CUBN: variants seen among roughly 807,000 people sequenced by gnomAD.
CUBN encodes 460 kDa receptor.
A neutral mutation model predicts 405.3 loss-of-function variants in CUBN; 282 were observed. That is an observed-to-expected ratio of 0.70 (90% CI 0.63 to 0.77). The LOEUF is 0.77. Ranked by LOEUF, CUBN falls within the 30% of genes least tolerant of loss-of-function variation. The pLI is 0.00. For synonymous variants in CUBN, 1,684 were observed against 1,617.0 expected (o/e 1.04, Z -0.99); for missense variants, 4,514 against 4,475.2 (o/e 1.01, Z -0.25).
At chr10:16,983,820 T>TA (rs1196086404) in intron 30 of CUBN, among the ~76,000 whole-genome samples, 1 of 152,216 alleles carries the variant, frequency 6.6e-6, no homozygotes, top group Non-Finnish European at 1.5e-5. Flanking sequence ...GGAGGCTGGT[T>TA]AAGAGGTACG....
intron 14 of CUBN, among the ~76,000 whole-genome samples, chr10:17,098,422 C>A (rs1008336838): frequency 1.3e-5 from 2 of 152,294 alleles, no homozygotes; most frequent in Admixed American, 6.5e-5. Context: ...TAGGAAAGAA[C>A]ACTCTTCATC....
intron 35 of CUBN, 29 bp downstream of exon 35, chr10:16,948,449 C>T (rs370685376): frequency 2.7e-5 from 43 of 1,613,030 alleles, no homozygotes; most frequent in African/African-American, 8.0e-5. Flanking sequence ...CCCTTTTAAC[C>T]GCTAGAGTCA....
chr10:16,955,374 C>CAAAAAA (rs59365817), intron 31 of CUBN, among the ~76,000 whole-genome samples: 2 of 68,850 alleles, frequency 2.9e-5, no homozygotes, highest in African/African-American at 7.7e-5. Flanking sequence ...GATTCTGTCT[C>CAAAAAA]AAAAAAAAAA....
chr10:16,890,157 G>C (rs865846525), intron 55 of CUBN, among the ~76,000 whole-genome samples: 14 of 152,152 alleles, frequency 9.2e-5, no homozygotes, highest in Middle Eastern at 3.4e-3. Flanking sequence ...TCTAGACGTT[G>C]GTTAGTGCCC....
chr10:16,829,114 G>A (rs1204949358), intron 65 of CUBN, 74 bp from the exon 66 acceptor site: 1 of 1,096,018 alleles, frequency 9.1e-7, no homozygotes, highest in Non-Finnish European at 1.4e-6. Flanking sequence ...TAGGCAATAA[G>A]ACTTTATTTT....
At chr10:16,826,088 G>T (rs1217529257) in intron 66 of CUBN, among the ~76,000 whole-genome samples, 2 of 152,018 alleles carry the variant, frequency 1.3e-5, no homozygotes, top group African/African-American at 4.8e-5. Flanking sequence ...CTCCTTGTTT[G>T]TCCCGTTATT....
In CUBN at chr10:16,916,031, CT is replaced by C. The variant is rs756427983; in HGVS notation, c.7001-2del. 9.3e-6 allele frequency: 15 copies of C among 1,611,686 alleles called. No homozygotes were observed. Among genetic ancestry groups the C allele is most frequent in the Non-Finnish European group, 1.3e-5 (15 of 1,179,018 alleles). The stretch of plus-strand genomic sequence containing the variant: ...CCTGGTACTCTTCCCCCACACTGAG[CT>C]GCAAAAAATAAAAATAAATAAATAA... On this transcript the variant is annotated splice_acceptor_variant, in intron 45 of 66. Transcript: ENST00000377833. LOFTEE classifies it high-confidence loss of function.
chr10:17,051,928 TA>T (rs1447665090), intron 22 of CUBN, among the ~76,000 whole-genome samples: 1 of 152,068 alleles, frequency 6.6e-6, no homozygotes, highest in African/African-American at 2.4e-5. Flanking sequence ...GAAAAATGTC[TA>T]GTAAGATATA....
chr10:16,874,561 A>T (rs1000824492), intron 57 of CUBN, 58 bp from the exon 58 acceptor site: 18 of 1,604,284 alleles, frequency 1.1e-5, no homozygotes, highest in Non-Finnish European at 1.5e-5. Context: ...GCATGGAAAA[A>T]TGATTTTAAG....
chr10:16,854,027 G>A (rs1352498040), intron 59 of CUBN, among the ~76,000 whole-genome samples: 2 of 152,156 alleles, frequency 1.3e-5, no homozygotes, highest in African/African-American at 2.4e-5. Context: ...AAAATGATAG[G>A]TTCAGTAAAA....
At chr10:16,906,748 A>G (rs1841567033) in intron 49 of CUBN, among the ~76,000 whole-genome samples, 1 of 152,196 alleles carries the variant, frequency 6.6e-6, no homozygotes, top group Admixed American at 6.5e-5. Context: ...GGCAGGTCCT[A>G]ATGGCTTGAT....
chr10:16,856,745 T>C (rs1839880160), intron 59 of CUBN, among the ~76,000 whole-genome samples: 1 of 152,172 alleles, frequency 6.6e-6, no homozygotes, highest in African/African-American at 2.4e-5. Flanking sequence ...AGGTGCACAG[T>C]GTGCTGTACG....
chr10:16,868,315 G>A (rs1014335475), intron 59 of CUBN, among the ~76,000 whole-genome samples: 2 of 152,160 alleles, frequency 1.3e-5, no homozygotes, highest in Non-Finnish European at 2.9e-5. Context: ...AAATTCACAT[G>A]CCCAATATCA....
chr10:17,093,667 G>A (rs1477916008), intron 14 of CUBN, among the ~76,000 whole-genome samples: 1 of 151,770 alleles, frequency 6.6e-6, no homozygotes, highest in Non-Finnish European at 1.5e-5. Context: ...CTAGGCCTGT[G>A]AGGAAGTAGT....
At chr10:17,062,119 T>C (rs1044401775) in intron 22 of CUBN, among the ~76,000 whole-genome samples, 1 of 152,226 alleles carries the variant, frequency 6.6e-6, no homozygotes, top group African/African-American at 2.4e-5. Context: ...TTACTTTGTA[T>C]GATAAACTCT....
At chr10:16,959,177 A>G (rs1298064797) in intron 31 of CUBN, among the ~76,000 whole-genome samples, 1 of 152,238 alleles carries the variant, frequency 6.6e-6, no homozygotes, top group Non-Finnish European at 1.5e-5. Flanking sequence ...TGGAGGGGAC[A>G]CATTCAAACC....
At position 16,964,924 on chromosome 10, in the gene CUBN, T is replaced by C. The variant is rs898271633; in HGVS notation, c.4696-10376A>G. Among the ~76,000 whole-genome samples, 25 of 152,230 alleles carry C rather than the reference T, an allele frequency of 1.6e-4. No homozygotes were observed. The East Asian group carries it at 2.1e-3, about 13-fold the overall frequency. ...TGTATCGTAGACATCATCTCTTCCA[T>C]GTTCCACAAACCCCGAAAATCAGTG... On this transcript the variant is annotated intron_variant, in intron 31 of 66. Coordinates refer to ENST00000377833, the MANE Select transcript of CUBN (RefSeq NM_001081.4).
chr10:17,083,745 C>CA (rs1057219318), intron 17 of CUBN, among the ~76,000 whole-genome samples: 7 of 151,782 alleles, frequency 4.6e-5, no homozygotes, highest in Non-Finnish European at 7.4e-5. Flanking sequence ...TGATTATGCC[C>CA]AAAAAAACAA....
At chr10:16,869,396 C>A (rs1206159292) in intron 59 of CUBN, among the ~76,000 whole-genome samples, 1 of 151,884 alleles carries the variant, frequency 6.6e-6, no homozygotes, top group Non-Finnish European at 1.5e-5. Context: ...AACTCCTGAC[C>A]TCAGGTGATC....
Sources: allele counts gnomAD v4.1 joint callset (sites outside exome capture counted in the v4.1 genomes callset), GRCh38; gene constraint gnomAD v4.1.1; transcripts MANE v1.5; gene names NCBI Gene and HGNC (gene_info 2026-07-23, HGNC 2026-07-21).